Variants in CFAP47 observed in about 807,000 individuals in gnomAD.
CFAP47 encodes cilia- and flagella-associated protein 47.
Under a neutral mutation model 148.1 loss-of-function variants are expected in CFAP47, and 29 were observed. The ratio of observed to expected loss-of-function variants is 0.20; its 90% confidence interval spans 0.15 to 0.27. The LOEUF is 0.27. Among genes scored for constraint, CFAP47 ranks in the 10% least tolerant of loss-of-function variants. The pLI is 1.00. For synonymous variants in CFAP47, 664 were observed against 577.3 expected (o/e 1.15, Z -2.15); for missense variants, 1,872 against 1,697.5 (o/e 1.10, Z -1.81).
intron 2 of CFAP47, among the ~76,000 whole-genome samples, chrX:35,928,909 A>G (rs1448469654): frequency 1.8e-5 from 2 of 110,973 alleles, no homozygotes; most frequent in Admixed American, 9.6e-5. Context: ...TGAAAAAGCT[A>G]TTTTCCTCCA....
intron 29 of CFAP47, among the ~76,000 whole-genome samples, chrX:36,077,183 C>CATTTTTT (rs1937877617): frequency 4.8e-5 from 1 of 20,993 alleles, no homozygotes; most frequent in Non-Finnish European, 9.2e-5. Context: ...GCGCCTCCAG[C>CATTTTTT]TTTTTTTTTT....
At position 35,966,644 on chromosome X, in the gene CFAP47, CAGA is replaced by C. The variant is rs1324525311; in HGVS notation, c.1497_1499del (p.Glu499del). On this transcript the variant is annotated inframe_deletion, in exon 9 of 64. Transcript: ENST00000378653. ...ATGATAGAGATTATTGGTTTAGTGG[CAGA>C]AGAAGATTTGCAATCTTTGTCGGTA... is the stretch of plus-strand genomic sequence containing the variant. 6.8e-6 allele frequency: 8 copies of C among 1,173,506 alleles called. No individual in the cohort carries two copies. Among genetic ancestry groups the C allele is most frequent in the African/African-American group, 3.7e-5 (2 of 54,631 alleles).
chrX:36,209,275 A>C (rs1371488098), intron 45 of CFAP47, among the ~76,000 whole-genome samples: 1 of 111,599 alleles, frequency 9.0e-6, no homozygotes, highest in African/African-American at 3.3e-5. Context: ...TCGTCACATT[A>C]GTTTTTGGCA....
intron 49 of CFAP47, among the ~76,000 whole-genome samples, chrX:36,277,025 T>C (rs1157582380): frequency 8.9e-6 from 1 of 111,870 alleles, no homozygotes; most frequent in Non-Finnish European, 1.9e-5. Flanking sequence ...GTTCCATGAC[T>C]GTGGGACAAT....
At chrX:36,224,451 A>T (rs1940247544) in intron 45 of CFAP47, among the ~76,000 whole-genome samples, 1 of 111,728 alleles carries the variant, frequency 9.0e-6, no homozygotes, top group African/African-American at 3.2e-5. Context: ...GCCCAAGTGG[A>T]TCATATCTGC....
intron 25 of CFAP47, among the ~76,000 whole-genome samples, chrX:36,040,872 T>C (rs1411744664): frequency 8.9e-6 from 1 of 111,859 alleles, no homozygotes; most frequent in Non-Finnish European, 1.9e-5. Context: ...TTCTACTACT[T>C]CCTTTAGAAA....
At position 36,378,450 on chromosome X, in the gene CFAP47, A is replaced by C. The variant is rs182048901; in HGVS notation, c.9186-900A>C. ...GATAGCTTTGCTGGTCAGTCATTTTATGTATGGATTAATTTACAAATGCCT... is the reference window on the plus strand; with the variant it reads ...GATAGCTTTGCTGGTCAGTCATTTTCTGTATGGATTAATTTACAAATGCCT... On this transcript the variant is annotated intron_variant, in intron 62 of 63. Coordinates refer to ENST00000378653, the MANE Select transcript of CFAP47 (RefSeq NM_001304548.2). 6.1e-3 allele frequency among the ~76,000 whole-genome samples: 689 copies of C among 112,546 alleles called. 3 individuals carry two copies. Among genetic ancestry groups the C allele is most frequent in the Non-Finnish European group, 9.3e-3 (497 of 53,367 alleles).
chrX:36,294,285 A>G (rs1202487479), intron 51 of CFAP47, among the ~76,000 whole-genome samples: 2 of 111,507 alleles, frequency 1.8e-5, no homozygotes, highest in African/African-American at 6.5e-5. Flanking sequence ...AGAGCAGGAC[A>G]TGTTTACCTC....
intron 33 of CFAP47, among the ~76,000 whole-genome samples, chrX:36,120,270 A>G (rs1938719249): frequency 9.1e-6 from 1 of 110,394 alleles, no homozygotes; most frequent in South Asian, 3.9e-4. Flanking sequence ...GGCCTCCCAA[A>G]GTGCTGGGAT....
In CFAP47 at chrX:36,353,555, C is replaced by T. The variant is rs782183654; in HGVS notation, c.8725C>T (p.Arg2909Trp). Residue 2909 changes from arginine (R) to tryptophan (W), a missense_variant, in exon 60 of 64, where the codon CGG becomes TGG. Physicochemically the swap from Arg to Trp is moderately radical, Grantham distance 101 (BLOSUM62 -3). Transcript: ENST00000378653. ...TGTCATACAATGTCAGTCCAGGAAG[C>T]GGGCAGAAGAGAAGGTAGAAATCAT... ...PVVIQCQSRKRAEEKVEIILN... is the reference protein window; with the variant it reads ...PVVIQCQSRKWAEEKVEIILN... The T allele has an allele frequency of 4.9e-5, 57 of 1,161,684 alleles. No homozygotes were observed. The Middle Eastern group carries it at 7.0e-4, about 14-fold the overall frequency.
intron 8 of CFAP47, among the ~76,000 whole-genome samples, chrX:35,960,146 G>T (rs1936304689): frequency 9.5e-6 from 1 of 105,180 alleles, no homozygotes; most frequent in African/African-American, 3.5e-5. Context: ...CACCATGTTG[G>T]CCAGGCTGGT....
At chrX:36,233,061 T>C (rs1940391827) in intron 46 of CFAP47, among the ~76,000 whole-genome samples, 1 of 111,708 alleles carries the variant, frequency 9.0e-6, no homozygotes, top group East Asian at 2.8e-4. Context: ...GGAATAGGTG[T>C]TGTGTGGTGC....
intron 60 of CFAP47, among the ~76,000 whole-genome samples, chrX:36,360,272 G>A (rs1941817985): frequency 9.0e-6 from 1 of 111,697 alleles, no homozygotes; most frequent in Admixed American, 9.5e-5. Context: ...CATAAGCAGA[G>A]TGGCCCAGAG....
At position 36,204,991 on chromosome X, in the gene CFAP47, A is replaced by G. The variant is rs1266045555; in HGVS notation, c.6698A>G (p.Lys2233Arg). Reference protein sequence around the residue: ...LMLFRISKLRKPKTVSYTTEV... With the variant: ...LMLFRISKLRRPKTVSYTTEV... ...CTCTTTCGTATCTCAAAGTTGAGGA[A>G]GCCTAAGACCGTTTCATACACAACA... Residue 2233 changes from lysine to arginine, a missense_variant, in exon 45 of 64, where the codon AAG (lysine) becomes AGG (arginine). By Grantham distance (26) the Lys-to-Arg change is conservative. Transcript: ENST00000378653. 4 of 295,637 alleles carry G rather than the reference A, an allele frequency of 1.4e-5. No individual in the cohort carries two copies. The highest frequency in any genetic ancestry group is 1.1e-4 in the African/African-American group (4 of 36,340). The allele number at this position is 295,637 out of a possible 1,213,427, so 24.4% of individuals were successfully genotyped here.
intron 57 of CFAP47, among the ~76,000 whole-genome samples, chrX:36,320,716 G>T (rs1260015000): frequency 8.9e-6 from 1 of 111,808 alleles, no homozygotes; most frequent in Non-Finnish European, 1.9e-5. Flanking sequence ...TTTTAAAAAT[G>T]ACCATCTAGA....
At chrX:36,321,854 G>A (rs188584863) in intron 57 of CFAP47, among the ~76,000 whole-genome samples, 6 of 111,487 alleles carry the variant, frequency 5.4e-5, no homozygotes, top group African/African-American at 1.9e-4. Flanking sequence ...CATTAAATAC[G>A]TGAGCCATTT....
chrX:36,261,471 C>G (rs1429494988), intron 49 of CFAP47, among the ~76,000 whole-genome samples: 22 of 102,592 alleles, frequency 2.1e-4, no homozygotes, highest in Admixed American at 6.3e-4. Context: ...GAGGACCCTG[C>G]GGCCTTCCTC....
At chrX:36,118,122 C>G (rs778412284) in intron 33 of CFAP47, among the ~76,000 whole-genome samples, 1 of 111,941 alleles carries the variant, frequency 8.9e-6, no homozygotes, top group South Asian at 3.7e-4. Flanking sequence ...ATGCCAATAC[C>G]ATGCCATTTT....
At chrX:36,033,607 T>G (rs1569237914) in intron 23 of CFAP47, among the ~76,000 whole-genome samples, 1 of 111,482 alleles carries the variant, frequency 9.0e-6, no homozygotes, top group Non-Finnish European at 1.9e-5. Flanking sequence ...AAATTAACCT[T>G]TTATAGTTAG....
Sources: allele counts gnomAD v4.1 joint callset (sites outside exome capture counted in the v4.1 genomes callset), GRCh38; gene constraint gnomAD v4.1.1; transcripts MANE v1.5; gene names NCBI Gene and HGNC (gene_info 2026-07-23, HGNC 2026-07-21).